Variants in MRPL45 observed in about 807,000 individuals in gnomAD.
MRPL45 encodes large ribosomal subunit protein mL45.
MRPL45 carries 20 observed loss-of-function variants against 38.1 expected under a neutral mutation model. That is an observed-to-expected ratio of 0.53 (90% CI 0.37 to 0.76). The LOEUF (loss-of-function observed/expected upper bound fraction) is 0.76. Ranked by LOEUF, MRPL45 falls within the 30% of genes least tolerant of loss-of-function variation. MRPL45 has a pLI of 0.00. For synonymous variants in MRPL45, 105 were observed against 128.8 expected, an observed-to-expected ratio of 0.82 and a Z score of 1.25; for missense variants, 337 against 395.6, an observed-to-expected ratio of 0.85 and a Z score of 1.26.
At chr17:38,318,839 T>TG in intron 5 of MRPL45, 104 bp downstream of exon 5, 6 of 643,530 alleles carry the variant, frequency 9.3e-6, no homozygotes, top group Middle Eastern at 3.8e-4. Flanking sequence ...TTTTTTTTTT[T>TG]TTTTTGAGAC....
At chr17:38,302,598 T>G (rs957788528) in intron 3 of MRPL45, among the ~76,000 whole-genome samples, 1 of 150,094 alleles carries the variant, frequency 6.7e-6, no homozygotes, top group African/African-American at 2.4e-5. Context: ...CAAGCAAGGC[T>G]TTGAGGTTAA....
chr17:38,309,269 C>T (rs981413299), intron 4 of MRPL45, among the ~76,000 whole-genome samples: 8 of 149,488 alleles, frequency 5.4e-5, no homozygotes, highest in Admixed American at 1.3e-4. Flanking sequence ...GTAATCCCAG[C>T]GCTTTGGGAG....
At chr17:38,300,946 CA>C (rs1404437559) in intron 3 of MRPL45, among the ~76,000 whole-genome samples, 3 of 150,434 alleles carry the variant, frequency 2.0e-5, no homozygotes, top group African/African-American at 4.9e-5. Context: ...AACTCTGTCT[CA>C]AAAAAAAATA....
intron 2 of MRPL45, among the ~76,000 whole-genome samples, chr17:38,299,088 C>T (rs1267730817): frequency 6.6e-6 from 1 of 151,500 alleles, no homozygotes; most frequent in African/African-American, 2.4e-5. Context: ...TGGGGTTTCA[C>T]CATCTTGGCC....
At chr17:38,322,481 T>G (rs2037241244) in intron 7 of MRPL45, 28 bp from the exon 8 acceptor site, 3 of 1,601,710 alleles carry the variant, frequency 1.9e-6, no homozygotes, top group Non-Finnish European at 2.6e-6. Context: ...GCTTGGTTGG[T>G]GGGTAACCTG....
chr17:38,299,615 T>C (rs2036972232), intron 3 of MRPL45, 147 bp downstream of exon 3: 5 of 558,944 alleles, frequency 8.9e-6, no homozygotes, highest in Non-Finnish European at 1.5e-5. Flanking sequence ...CTAGAGTCTG[T>C]ATTTAATGCA....
chr17:38,304,689 G>A (rs1444372425), intron 3 of MRPL45, among the ~76,000 whole-genome samples: 3 of 150,982 alleles, frequency 2.0e-5, no homozygotes, highest in South Asian at 2.1e-4. Context: ...GACTACGGGC[G>A]CCTGCCACCA....
intron 3 of MRPL45, among the ~76,000 whole-genome samples, chr17:38,303,770 A>G (rs1283114364): frequency 6.6e-6 from 1 of 151,010 alleles, no homozygotes; most frequent in Non-Finnish European, 1.5e-5. Flanking sequence ...TCTGTTGCCC[A>G]GGCTGGAGTG....
intron 4 of MRPL45, among the ~76,000 whole-genome samples, chr17:38,315,074 GA>G (rs1440917728): frequency 6.6e-6 from 1 of 152,064 alleles, no homozygotes; most frequent in Admixed American, 6.6e-5. Context: ...CATACAGGAT[GA>G]AAAATGAGGA....
Position 38,322,134 on chromosome 17 carries a change from C to T in MRPL45, c.669C>T (p.Ala223=). 6.2e-7 allele frequency: 1 copy of T among 1,613,740 alleles called. No homozygotes were observed. Among genetic ancestry groups the T allele is most frequent in the Non-Finnish European group, 8.5e-7 (1 of 1,179,786 alleles). The change falls in exon 7 of 8, where the codon GCC becomes GCT. Residue 223 remains alanine (A), a synonymous_variant. Coordinates refer to ENST00000613675, the MANE Select transcript of MRPL45 (RefSeq NM_032351.6). ...TVRMHTRQTL[A]IYDRFGRLMY... ...TGCTTTTATCCTTGCAGACTCTGGC[C>T]ATCTATGACCGGTTTGGCCGGTTGA...
intron 3 of MRPL45, among the ~76,000 whole-genome samples, chr17:38,301,578 G>A (rs533520853): frequency 2.2e-4 from 33 of 152,182 alleles, no homozygotes; most frequent in Non-Finnish European, 4.3e-4. Context: ...ACTATTTTTG[G>A]TGCTGCCTTT....
chr17:38,313,315 T>A (rs1329746278), intron 4 of MRPL45, among the ~76,000 whole-genome samples: 25,292 of 34,740 alleles, frequency 0.73, 9,224 homozygotes, highest in Non-Finnish European at 0.8. Flanking sequence ...AAAAAAAATA[T>A]ATATATATAT....
At chr17:38,312,049 CTTTT>C (rs1392041180) in intron 4 of MRPL45, among the ~76,000 whole-genome samples, 1 of 142,356 alleles carries the variant, frequency 7.0e-6, no homozygotes, top group Non-Finnish European at 1.5e-5. Context: ...ATTTTTTTAT[CTTTT>C]TTTTTTTTTT....
intron 4 of MRPL45, among the ~76,000 whole-genome samples, chr17:38,311,748 A>G (rs1012448393): frequency 1.3e-5 from 2 of 151,190 alleles, no homozygotes; most frequent in African/African-American, 2.4e-5. Context: ...CACTGACGAC[A>G]CAGCAAGAAG....
At chr17:38,317,059 G>A (rs1020197012) in intron 4 of MRPL45, among the ~76,000 whole-genome samples, 1 of 152,110 alleles carries the variant, frequency 6.6e-6, no homozygotes, top group African/African-American at 2.4e-5. Flanking sequence ...GCCTCCCAAA[G>A]TGCTGGGATT....
intron 4 of MRPL45, among the ~76,000 whole-genome samples, chr17:38,317,580 GTTTTT>G (rs924498356): frequency 1.3e-4 from 19 of 150,220 alleles, no homozygotes; most frequent in African/African-American, 4.4e-4. Flanking sequence ...GTTTTGTTTT[GTTTTT>G]TTTTGAGACG....
intron 3 of MRPL45, among the ~76,000 whole-genome samples, chr17:38,303,290 ATTTTTTTT>A (rs776250748): frequency 2.9e-5 from 3 of 103,434 alleles, no homozygotes; most frequent in East Asian, 2.7e-4. Flanking sequence ...AAAACATTAA[ATTTTTTTT>A]TTTTTTTTTT....
chr17:38,302,564 G>A (rs57362337), intron 3 of MRPL45, among the ~76,000 whole-genome samples: 6,229 of 140,312 alleles, frequency 0.044, 455 homozygotes, highest in African/African-American at 0.16. Flanking sequence ...GTGAGGAATA[G>A]CATTCTAGGG....
intron 3 of MRPL45, among the ~76,000 whole-genome samples, chr17:38,300,941 T>C (rs929428864): frequency 2.6e-5 from 4 of 151,946 alleles, no homozygotes; most frequent in Non-Finnish European, 5.9e-5. Flanking sequence ...GGCGAAACTC[T>C]GTCTCAAAAA....
Sources: allele counts gnomAD v4.1 joint callset (sites outside exome capture counted in the v4.1 genomes callset), GRCh38; gene constraint gnomAD v4.1.1; transcripts MANE v1.5; gene names NCBI Gene and HGNC (gene_info 2026-07-23, HGNC 2026-07-21).